The following RAI14 variants were observed in gnomAD, a reference collection of about 807,000 sequenced individuals.
The protein encoded by RAI14 is ankycorbin.
In RAI14, 45 loss-of-function variants were observed where a neutral mutation model predicts 115.4. That is an observed-to-expected ratio of 0.39 (90% CI 0.31 to 0.50). The LOEUF (loss-of-function observed/expected upper bound fraction) is 0.50. Ranked by LOEUF, RAI14 falls within the 20% of genes least tolerant of loss-of-function variation. The probability of loss-of-function intolerance (pLI) is 0.85; values close to 1 mark genes in which losing one functional copy is unlikely to be tolerated. For synonymous variants in RAI14, 371 were observed against 415.4 expected (o/e 0.89, Z 1.30); for missense variants, 939 against 1,131.2 (o/e 0.83, Z 2.44).
At chr5:34,692,012 T>C (rs571465750) in intron 2 of RAI14, among the ~76,000 whole-genome samples, 3 of 152,146 alleles carry the variant, frequency 2.0e-5, no homozygotes, top group Non-Finnish European at 4.4e-5. Flanking sequence ...CCTGTAATCC[T>C]AGCACTTTGG....
At chr5:34,743,871 C>A (rs2150053654) in intron 2 of RAI14, among the ~76,000 whole-genome samples, 1 of 152,298 alleles carries the variant, frequency 6.6e-6, no homozygotes, top group East Asian at 1.9e-4. Flanking sequence ...GGACTGTTTC[C>A]ATGGCATGTG....
Position 34,824,506 on chromosome 5 carries a change from A to G in RAI14, c.2649+15A>G. On this transcript the variant is annotated intron_variant, in intron 15 of 17. Transcript: ENST00000265109. ...AAGATAAAAAGGTTGGTGAAACTGT[A>G]TTGCTGTTGGGTTTCTAGCAATAAG... 6.5e-7 allele frequency: 1 copy of G among 1,539,740 alleles called. No individual in the cohort carries two copies. The highest frequency in any genetic ancestry group is 8.7e-7 in the Non-Finnish European group (1 of 1,145,556).
chr5:34,707,466 C>CA (rs967627810), intron 2 of RAI14, among the ~76,000 whole-genome samples: 7 of 151,902 alleles, frequency 4.6e-5, no homozygotes, highest in African/African-American at 9.7e-5. Flanking sequence ...GACTCCGTCT[C>CA]AAAAAAAATG....
chr5:34,693,052 G>T (rs1176279931), intron 2 of RAI14, among the ~76,000 whole-genome samples: 1 of 152,156 alleles, frequency 6.6e-6, no homozygotes, highest in Non-Finnish European at 1.5e-5. Flanking sequence ...CTCCCTCTGT[G>T]CATGTGTCTG....
chr5:34,825,432 C>G (rs931093331), intron 15 of RAI14, among the ~76,000 whole-genome samples: 1 of 152,178 alleles, frequency 6.6e-6, no homozygotes. Flanking sequence ...TGATCCACCT[C>G]AAACTTCAGG....
intron 3 of RAI14, among the ~76,000 whole-genome samples, chr5:34,786,984 T>C (rs11958088): frequency 0.027 from 4,115 of 152,328 alleles, 193 homozygotes; most frequent in African/African-American, 0.093. Context: ...TGGGCTCTTG[T>C]TAGTTATCTG....
At position 34,665,159 on chromosome 5, in the gene RAI14, G is replaced by GTA. The variant is rs1554037608; in HGVS notation, c.-49+8697_-49+8698dup. On this transcript the variant is annotated intron_variant, in intron 1 of 17. Coordinates refer to ENST00000265109, the MANE Select transcript of RAI14 (RefSeq NM_015577.3). ...TATATATACACATATATATGTGTGT[G>GTA]TATATATATATATACACACATATAT... 3.9e-3 allele frequency among the ~76,000 whole-genome samples: 54 copies of GTA among 13,794 alleles called. 22 individuals carry two copies. Among genetic ancestry groups the GTA allele is most frequent in the East Asian group, 2.6e-3 (2 of 760 alleles). 9.0% of individuals were successfully genotyped at this position (13,794 alleles called of 152,430 possible).
intron 3 of RAI14, among the ~76,000 whole-genome samples, chr5:34,762,275 C>T (rs969448847): frequency 9.2e-5 from 14 of 152,116 alleles, no homozygotes; most frequent in African/African-American, 2.4e-4. Flanking sequence ...CAAGCTTCCA[C>T]GGCAATTTAA....
chr5:34,739,942 TC>T (rs1745298636), intron 2 of RAI14, among the ~76,000 whole-genome samples: 5 of 152,002 alleles, frequency 3.3e-5, no homozygotes, highest in Non-Finnish European at 7.4e-5. Flanking sequence ...ACACCTGTAA[TC>T]CCAGCTACTT....
intron 3 of RAI14, among the ~76,000 whole-genome samples, chr5:34,784,415 T>A (rs1580250109): frequency 6.6e-6 from 1 of 152,304 alleles, no homozygotes; most frequent in Non-Finnish European, 1.5e-5. Context: ...TTTAGGAAAA[T>A]GATTATTGAG....
intron 2 of RAI14, chr5:34,716,917 G>A (rs895053008): frequency 6.6e-6 from 1 of 152,150 alleles, no homozygotes; most frequent in Non-Finnish European, 1.5e-5. Flanking sequence ...GATTGATGGA[G>A]GATCCTGCAG....
chr5:34,667,998 A>G (rs1234679342), intron 1 of RAI14, among the ~76,000 whole-genome samples: 1 of 152,182 alleles, frequency 6.6e-6, no homozygotes, highest in Non-Finnish European at 1.5e-5. Context: ...TTGCCGAGAC[A>G]GGAGAGGCAT....
intron 2 of RAI14, among the ~76,000 whole-genome samples, chr5:34,737,815 C>T (rs1745054364): frequency 6.6e-6 from 1 of 152,128 alleles, no homozygotes; most frequent in Non-Finnish European, 1.5e-5. Context: ...CCTCAATCTG[C>T]TCTTTGCTGC....
At chr5:34,739,270 T>C (rs879552691) in intron 2 of RAI14, among the ~76,000 whole-genome samples, 7 of 152,190 alleles carry the variant, frequency 4.6e-5, no homozygotes, top group Non-Finnish European at 7.3e-5. Context: ...ATCTCGTGTC[T>C]TGCAGTTGAG....
chr5:34,729,953 TA>T (rs1329499064), intron 2 of RAI14, among the ~76,000 whole-genome samples: 1 of 152,168 alleles, frequency 6.6e-6, no homozygotes, highest in Non-Finnish European at 1.5e-5. Flanking sequence ...TTCATTTTTT[TA>T]AAAAAAGTTC....
At chr5:34,768,957 C>G (rs1007810861) in intron 3 of RAI14, among the ~76,000 whole-genome samples, 1 of 151,734 alleles carries the variant, frequency 6.6e-6, no homozygotes, top group Admixed American at 6.6e-5. Flanking sequence ...CCACTGCACT[C>G]CAGCTTGGAT....
intron 2 of RAI14, among the ~76,000 whole-genome samples, chr5:34,689,622 C>T (rs988856155): frequency 2.6e-5 from 4 of 152,134 alleles, no homozygotes; most frequent in African/African-American, 7.2e-5. Flanking sequence ...CCTGTAATCC[C>T]AGCTACTTGG....
At chr5:34,766,820 C>G (rs1021573549) in intron 3 of RAI14, among the ~76,000 whole-genome samples, 2 of 152,166 alleles carry the variant, frequency 1.3e-5, no homozygotes, top group Admixed American at 1.3e-4. Flanking sequence ...ACCCAAATCT[C>G]ATCTAAAATT....
intron 2 of RAI14, among the ~76,000 whole-genome samples, chr5:34,749,445 G>T (rs1746708416): frequency 6.6e-6 from 1 of 152,128 alleles, no homozygotes; most frequent in South Asian, 2.1e-4. Context: ...GGTTTTTCAG[G>T]TCCCAATGAT....
Sources: allele counts gnomAD v4.1 joint callset (sites outside exome capture counted in the v4.1 genomes callset), GRCh38; gene constraint gnomAD v4.1.1; transcripts MANE v1.5; gene names NCBI Gene and HGNC (gene_info 2026-07-23, HGNC 2026-07-21).